GKAP1: variants seen among roughly 807,000 people sequenced by gnomAD.
GKAP1 encodes the protein G kinase-anchoring protein 1.
GKAP1 carries 31 observed loss-of-function variants against 56.7 expected under a neutral mutation model. The ratio of observed to expected loss-of-function variants is 0.55; its 90% confidence interval spans 0.41 to 0.74. GKAP1 has a LOEUF of 0.74. GKAP1 is among the 30% of genes least tolerant of loss of function. GKAP1 has a pLI of 0.00. For synonymous variants in GKAP1, 151 were observed against 138.6 expected, an observed-to-expected ratio of 1.09 and a Z score of -0.63; for missense variants, 364 against 402.3, an observed-to-expected ratio of 0.90 and a Z score of 0.82.
In GKAP1 at chr9:83,779,440, T is replaced by TACACACACAC. The variant is rs1417549993; in HGVS notation, c.585+941_585+942insGTGTGTGTGT. The stretch of plus-strand genomic sequence containing the variant: ...TGGTCAGAAGCCATATATATATATA[T>TACACACACAC]ATATATATACACACACACACACACG... On this transcript the variant is annotated intron_variant, in intron 7 of 12. Coordinates refer to ENST00000376371, the MANE Select transcript of GKAP1 (RefSeq NM_025211.4). Among the ~76,000 whole-genome samples, 24 of 71,244 alleles carry TACACACACAC rather than the reference T, an allele frequency of 3.4e-4. No individual in the cohort carries two copies. The East Asian group carries it at 3.9e-3, about 12-fold the overall frequency. 46.7% of individuals were successfully genotyped at this position (71,244 alleles called of 152,430 possible). A position where few individuals can be genotyped will look rare whatever the true frequency, so the allele number is the denominator to read the frequency against.
intron 2 of GKAP1, among the ~76,000 whole-genome samples, chr9:83,812,382 C>G (rs1434752873): frequency 3.4e-5 from 5 of 148,920 alleles, no homozygotes; most frequent in Non-Finnish European, 7.4e-5. Flanking sequence ...CAGGGTCTTA[C>G]TCACACACCA....
intron 7 of GKAP1, 94 bp downstream of exon 7, chr9:83,780,288 T>C (rs1162918671): frequency 4.0e-6 from 3 of 742,004 alleles, no homozygotes; most frequent in Non-Finnish European, 4.5e-6. Context: ...GTCCTTTAAA[T>C]GATTATGTCT....
At position 83,817,652 on chromosome 9, in the gene GKAP1, C is replaced by T. The variant is rs1404514497; in HGVS notation, c.-311G>A. The T allele has an allele frequency of 6.6e-6, 1 of 151,210 alleles. No homozygotes were observed. The highest frequency in any genetic ancestry group is 1.5e-5 in the Non-Finnish European group (1 of 67,726). 9.4% of individuals were successfully genotyped at this position (151,210 alleles called of 1,614,324 possible). A position where few individuals can be genotyped will look rare whatever the true frequency, so the allele number is the denominator to read the frequency against. ...GTGTCGGCAGAGCTGGGGGCAGGCTCGCGCCGGGCGGGGGTCGCGGTCGGC... is the reference window on the plus strand; with the variant it reads ...GTGTCGGCAGAGCTGGGGGCAGGCTTGCGCCGGGCGGGGGTCGCGGTCGGC... On this transcript the variant is annotated 5_prime_UTR_variant, in exon 1 of 13. Transcript: ENST00000376371.
chr9:83,795,639 T>C (rs1027596417), intron 4 of GKAP1, among the ~76,000 whole-genome samples: 1 of 139,202 alleles, frequency 7.2e-6, no homozygotes, highest in African/African-American at 2.6e-5. Context: ...TCACCCAGGC[T>C]GAAGTGCACT....
intron 12 of GKAP1, among the ~76,000 whole-genome samples, chr9:83,741,710 T>C (rs974744827): frequency 6.6e-6 from 1 of 152,178 alleles, no homozygotes; most frequent in Non-Finnish European, 1.5e-5. Flanking sequence ...TTCAATGGCA[T>C]GTATGCTGTA....
intron 4 of GKAP1, among the ~76,000 whole-genome samples, chr9:83,794,029 A>T (rs914410675): frequency 6.6e-6 from 1 of 152,060 alleles, no homozygotes; most frequent in African/African-American, 2.4e-5. Flanking sequence ...TTAGCCAGCC[A>T]TGGTGGAGTG....
At chr9:83,779,568 T>TAC (rs1254375476) in intron 7 of GKAP1, among the ~76,000 whole-genome samples, 1 of 104,606 alleles carries the variant, frequency 9.6e-6, no homozygotes, top group Non-Finnish European at 1.8e-5. Flanking sequence ...TGTATATATA[T>TAC]ACACACATAT....
chr9:83,751,068 C>T (rs572790145), intron 9 of GKAP1, among the ~76,000 whole-genome samples: 7 of 152,262 alleles, frequency 4.6e-5, no homozygotes, highest in African/African-American at 1.7e-4. Context: ...ATCTCCTGAC[C>T]TCGTGATCCG....
chr9:83,775,461 T>C (rs1244528685), intron 7 of GKAP1, among the ~76,000 whole-genome samples: 1 of 152,140 alleles, frequency 6.6e-6, no homozygotes, highest in East Asian at 1.9e-4. Context: ...TGTGATATGA[T>C]AGGAAATATA....
At chr9:83,805,229 G>C (rs295278) in intron 3 of GKAP1, among the ~76,000 whole-genome samples, 1 of 151,750 alleles carries the variant, frequency 6.6e-6, no homozygotes, top group Non-Finnish European at 1.5e-5. Context: ...GATTAAGGGC[G>C]GTGCAAGATG....
intron 8 of GKAP1, among the ~76,000 whole-genome samples, chr9:83,757,658 C>T (rs1265171851): frequency 6.6e-6 from 1 of 152,056 alleles, no homozygotes; most frequent in Non-Finnish European, 1.5e-5. Flanking sequence ...CATTAGTTAG[C>T]AGGGTGTAAC....
At chr9:83,814,550 G>C (rs1361425005) in intron 2 of GKAP1, among the ~76,000 whole-genome samples, 1 of 152,150 alleles carries the variant, frequency 6.6e-6, no homozygotes, top group African/African-American at 2.4e-5. Flanking sequence ...TAGCCCCTAT[G>C]ATCCTGATTT....
At chr9:83,778,072 G>GA (rs1943892402) in intron 7 of GKAP1, among the ~76,000 whole-genome samples, 1 of 152,114 alleles carries the variant, frequency 6.6e-6, no homozygotes, top group African/African-American at 2.4e-5. Context: ...GTCACAGAGA[G>GA]AAAGAAATGC....
intron 2 of GKAP1, among the ~76,000 whole-genome samples, chr9:83,810,001 G>C (rs1413430660): frequency 6.6e-6 from 1 of 152,014 alleles, no homozygotes; most frequent in African/African-American, 2.4e-5. Flanking sequence ...TATAGAGATG[G>C]GGGTCTCCCT....
chr9:83,803,132 A>G (rs1944359822), intron 3 of GKAP1, among the ~76,000 whole-genome samples: 2 of 152,152 alleles, frequency 1.3e-5, no homozygotes, highest in Admixed American at 1.3e-4. Flanking sequence ...ACAACTAGTC[A>G]TATGATTTTT....
intron 3 of GKAP1, among the ~76,000 whole-genome samples, chr9:83,804,935 C>T (rs1288495716): frequency 2.0e-5 from 3 of 152,064 alleles, no homozygotes; most frequent in African/African-American, 7.2e-5. Flanking sequence ...GTGAGGAGCC[C>T]CTCTGCCCGG....
chr9:83,754,700 A>G (rs1943445577), intron 8 of GKAP1, among the ~76,000 whole-genome samples: 1 of 152,240 alleles, frequency 6.6e-6, no homozygotes, highest in Non-Finnish European at 1.5e-5. Flanking sequence ...TGACTTTGGA[A>G]AAGCCAGTAG....
chr9:83,743,783 A>AT (rs893962119), intron 10 of GKAP1, among the ~76,000 whole-genome samples: 1 of 151,940 alleles, frequency 6.6e-6, no homozygotes, highest in Non-Finnish European at 1.5e-5. Flanking sequence ...AGAACTATTC[A>AT]TTTTTTTCTA....
chr9:83,775,337 G>A (rs919054665), intron 7 of GKAP1, among the ~76,000 whole-genome samples: 1 of 151,912 alleles, frequency 6.6e-6, no homozygotes, highest in African/African-American at 2.4e-5. Context: ...CCCTGTCATC[G>A]CCCTAGATAC....
Sources: gnomAD v4.1 joint callset for allele counts (sites outside exome capture counted in the v4.1 genomes callset) on GRCh38, gnomAD v4.1.1 for gene constraint, MANE v1.5 for transcripts, NCBI Gene and HGNC (gene_info 2026-07-23, HGNC 2026-07-21) for gene names.